The following LEPR variants were observed in gnomAD, a reference collection of about 807,000 sequenced individuals.
LEPR encodes leptin receptor.
In LEPR, 56 loss-of-function variants were observed where a neutral mutation model predicts 114.7. That is an observed-to-expected ratio of 0.49 (90% CI 0.39 to 0.61). LEPR has a LOEUF of 0.61. Among genes scored for constraint, LEPR ranks in the 20% least tolerant of loss-of-function variants. The pLI is 0.00. For missense variants in LEPR, 1,202 were observed against 1,352.9 expected (o/e 0.89, Z 1.75); for synonymous variants, 443 against 461.4 (o/e 0.96, Z 0.51).
intron 2 of LEPR, among the ~76,000 whole-genome samples, chr1:65,468,642 G>C (rs1480858338): frequency 6.6e-6 from 1 of 152,176 alleles, no homozygotes; most frequent in African/African-American, 2.4e-5. Flanking sequence ...CCAAGTTATG[G>C]TGTTCAGTTT....
intron 2 of LEPR, among the ~76,000 whole-genome samples, chr1:65,479,948 AC>A (rs1170500924): frequency 4.6e-5 from 7 of 152,224 alleles, no homozygotes; most frequent in African/African-American, 1.7e-4. Flanking sequence ...AAACAAAAAA[AC>A]AACTCTGTCA....
chr1:65,486,877 G>A (rs1338893150), intron 2 of LEPR, among the ~76,000 whole-genome samples: 1 of 152,114 alleles, frequency 6.6e-6, no homozygotes, highest in African/African-American at 2.4e-5. Context: ...ATGGTCAGCT[G>A]TTCTTCATTT....
In LEPR at chr1:65,598,703, T is replaced by C. The variant is rs759925647; in HGVS notation, c.893T>C (p.Ile298Thr). 27 of 1,613,394 alleles carry C rather than the reference T, an allele frequency of 1.7e-5. No homozygotes were observed. The South Asian group carries it at 2.2e-4, about 13-fold the overall frequency. The change falls in exon 8 of 20, where the codon ATA (isoleucine) becomes ACA (threonine). Residue 298 changes from isoleucine (I) to threonine (T), a missense_variant. Transcript: ENST00000349533. ...GCTACATCCCTGCTAGTAGACAGTA[T>C]ACTTCCTGGGTCTTCGTATGAGGTT... ...VSATSLLVDS[I>T]LPGSSYEVQV...
chr1:65,607,753 A>T (rs1656906915), intron 11 of LEPR, among the ~76,000 whole-genome samples: 1 of 152,206 alleles, frequency 6.6e-6, no homozygotes, highest in Admixed American at 6.5e-5. Context: ...ATTGTCAGGA[A>T]GATTGGCCCT....
chr1:65,603,364 C>G (rs975465274), intron 10 of LEPR, among the ~76,000 whole-genome samples: 1 of 151,930 alleles, frequency 6.6e-6, no homozygotes, highest in African/African-American at 2.4e-5. Flanking sequence ...CACACACACA[C>G]ACACACACAT....
At chr1:65,608,965 T>C in intron 12 of LEPR, 64 bp downstream of exon 12, 1 of 1,584,098 alleles carries the variant, frequency 6.3e-7, no homozygotes, top group South Asian at 1.1e-5. Context: ...TGTAAGAGTT[T>C]AATTGCATTA....
rs544206880 is a variant in LEPR at position 65,507,552 on chromosome 1, C to T, written c.-20-57994C>T. Among the ~76,000 whole-genome samples, 65 of 83,892 alleles carry T rather than the reference C, an allele frequency of 7.7e-4. 1 individual carries two copies. The highest frequency in any genetic ancestry group is 1.8e-3 in the African/African-American group (44 of 24,018). The allele number at this position is 83,892 out of a possible 152,430, so 55.0% of individuals were successfully genotyped here. On this transcript the variant is annotated intron_variant, in intron 2 of 19. Coordinates refer to ENST00000349533, the MANE Select transcript of LEPR (RefSeq NM_002303.6). ...ATATATGTGTGTATATATATATATA[C>T]ACACACACACAACATTAAAAAAAAT...
intron 5 of LEPR, among the ~76,000 whole-genome samples, chr1:65,583,119 G>A (rs1464724370): frequency 6.6e-6 from 1 of 152,162 alleles, no homozygotes; most frequent in Non-Finnish European, 1.5e-5. Context: ...AACAAAATGA[G>A]TACTCCTAGT....
At chr1:65,540,626 C>T (rs1331836149) in intron 2 of LEPR, among the ~76,000 whole-genome samples, 1 of 152,134 alleles carries the variant, frequency 6.6e-6, no homozygotes, top group East Asian at 1.9e-4. Flanking sequence ...GACCATGAAC[C>T]AAAATAAAAC....
chr1:65,549,921 G>GT (rs1372266105), intron 2 of LEPR, among the ~76,000 whole-genome samples: 1 of 152,152 alleles, frequency 6.6e-6, no homozygotes, highest in Non-Finnish European at 1.5e-5. Flanking sequence ...TTTCTGCTCT[G>GT]TTTTTTCCCC....
intron 2 of LEPR, chr1:65,432,560 T>A (rs1240462980): frequency 5.5e-6 from 5 of 910,460 alleles, no homozygotes; most frequent in Non-Finnish European, 6.5e-6. Context: ...TACCTGCTCA[T>A]TTGTTTAAAA....
chr1:65,421,354 G>A, intron 1 of LEPR: 2 of 1,536,002 alleles, frequency 1.3e-6, no homozygotes, highest in African/African-American at 1.4e-5. Context: ...TGTGTAGTAT[G>A]TGTTTTTTGC....
At chr1:65,500,770 T>C (rs138328034) in intron 2 of LEPR, among the ~76,000 whole-genome samples, 146 of 152,252 alleles carry the variant, frequency 9.6e-4, no homozygotes, top group Admixed American at 2.3e-3. Context: ...AAAAGTTATA[T>C]GCAAGTTTCT....
At chr1:65,566,669 A>G (rs563969547) in intron 3 of LEPR, among the ~76,000 whole-genome samples, 1 of 152,354 alleles carries the variant, frequency 6.6e-6, no homozygotes, top group South Asian at 2.1e-4. Context: ...GCAATTGTTT[A>G]TCTAGCTTTC....
chr1:65,552,135 C>T (rs1440110377), intron 2 of LEPR, among the ~76,000 whole-genome samples: 1 of 152,088 alleles, frequency 6.6e-6, no homozygotes, highest in Non-Finnish European at 1.5e-5. Flanking sequence ...ATTATGTGGT[C>T]AATTTTAGAA....
intron 2 of LEPR, among the ~76,000 whole-genome samples, chr1:65,554,549 G>C (rs770827242): frequency 1.3e-5 from 2 of 152,064 alleles, no homozygotes; most frequent in African/African-American, 4.8e-5. Context: ...CAGTAATGAC[G>C]GACATTCCTT....
At position 65,472,188 on chromosome 1, in the gene LEPR, G is replaced by GTT. The variant is rs113811731; in HGVS notation, c.-21+46817_-21+46818dup. Among the ~76,000 whole-genome samples the GTT allele has an allele frequency of 1.3e-4, 19 of 151,396 alleles. 1 individual carries two copies. Among genetic ancestry groups the GTT allele is most frequent in the African/African-American group, 3.4e-4 (14 of 41,306 alleles). On this transcript the variant is annotated intron_variant, in intron 2 of 19. Coordinates refer to ENST00000349533, the MANE Select transcript of LEPR (RefSeq NM_002303.6). ...ATCTAGAAGGTATTACCAAACATCCGTTTTTTTTAAAAAAGCATAAGGCAT... is the reference window on the plus strand; with the variant it reads ...ATCTAGAAGGTATTACCAAACATCCGTTTTTTTTTTAAAAAAGCATAAGGCAT...
intron 19 of LEPR, among the ~76,000 whole-genome samples, chr1:65,627,908 C>G (rs988770338): frequency 6.6e-6 from 1 of 152,012 alleles, no homozygotes; most frequent in Non-Finnish European, 1.5e-5. Flanking sequence ...TATGAAAGTA[C>G]TCTTAACCTG....
chr1:65,598,610 A>C lies in LEPR; in HGVS notation c.850-50A>C, dbSNP rs3762273. The C allele has an allele frequency of 0.41, 663,014 of 1,606,766 alleles. 145,754 individuals carry two copies. Among genetic ancestry groups the C allele is most frequent in the East Asian group, 0.89 (39,575 of 44,698 alleles). On this transcript the variant is annotated intron_variant, in intron 7 of 19. Coordinates refer to ENST00000349533, the MANE Select transcript of LEPR (RefSeq NM_002303.6). The stretch of plus-strand genomic sequence containing the variant: ...ATTAGCTTATCCTCACTTTTAGTAA[A>C]GGTTCCACATCAACTTGATGTTCTG...
Sources: allele counts gnomAD v4.1 joint callset (sites outside exome capture counted in the v4.1 genomes callset), GRCh38; gene constraint gnomAD v4.1.1; transcripts MANE v1.5; gene names NCBI Gene and HGNC (gene_info 2026-07-23, HGNC 2026-07-21).